TSC22D4: variants seen among roughly 807,000 people sequenced by gnomAD.
TSC22D4 encodes TSC22 domain family member 4, also known as TSC22 domain family protein 4.
Under a neutral mutation model 24.9 loss-of-function variants are expected in TSC22D4, and 5 were observed. The observed-to-expected ratio is 0.20, with a 90% CI of 0.10 to 0.42. The LOEUF is 0.42. Ranked by LOEUF, TSC22D4 falls within the 10% of genes least tolerant of loss-of-function variation. The probability of loss-of-function intolerance (pLI) is 1.00; values close to 1 mark genes in which losing one functional copy is unlikely to be tolerated. For synonymous variants in TSC22D4, 245 were observed against 243.2 expected (o/e 1.01, Z -0.07); for missense variants, 469 against 547.9 (o/e 0.86, Z 1.44).
Position 100,477,735 on chromosome 7 carries a change from G to C in TSC22D4, c.304C>G (p.Pro102Ala). 6.2e-7 allele frequency: 1 copy of C among 1,602,474 alleles called. No individual in the cohort carries two copies. Among genetic ancestry groups the C allele is most frequent in the Non-Finnish European group, 8.5e-7 (1 of 1,179,582 alleles). ...CVDVYERDLE[P>A]HSFGGLLEGI... Reference sequence around the variant, plus strand: ...TCCAGGAGTCCGCCGAAGCTGTGGGGCTCCAGGTCTCGCTCATAAACATCC... The same window carrying C: ...TCCAGGAGTCCGCCGAAGCTGTGGGCCTCCAGGTCTCGCTCATAAACATCC... Residue 102 changes from proline to alanine, a missense_variant, in exon 2 of 5, where the codon CCC (proline) becomes GCC (alanine). Pro to Ala is a conservative substitution (Grantham distance 27). Coordinates refer to ENST00000300181, the MANE Select transcript of TSC22D4 (RefSeq NM_030935.5). The surrounding 1 kb of genome is among the most constrained non-coding windows in gnomAD (Gnocchi z 7.8).
intron 3 of TSC22D4, among the ~76,000 whole-genome samples, chr7:100,471,424 G>A (rs184825741): frequency 6.6e-6 from 1 of 152,262 alleles, no homozygotes; most frequent in Non-Finnish European, 1.5e-5. Flanking sequence ...TAAACTAGCT[G>A]GGTGGCCCTT....
chr7:100,477,570 TG>T lies in TSC22D4; in HGVS notation c.468del (p.Thr157ProfsTer60). 3.2e-6 allele frequency: 5 copies of T among 1,577,964 alleles called. No individual in the cohort carries two copies. The highest frequency in any genetic ancestry group is 1.8e-5 in the Admixed American group (1 of 55,958). ...QGPTSWLRPP[P>X]TSPGPQARSF... ...GAGCGGGCCTGAGGTCCAGGAGAGG[TG>T]GGGGGTGGACGGAGCCAGGAGGTGG... is the stretch of plus-strand genomic sequence containing the variant. On this transcript the variant is annotated frameshift_variant, in exon 2 of 5. Coordinates refer to ENST00000300181, the MANE Select transcript of TSC22D4 (RefSeq NM_030935.5). LOFTEE classifies it high-confidence loss of function. The surrounding 1 kb of genome is among the most constrained non-coding windows in gnomAD (Gnocchi z 7.8).
intron 3 of TSC22D4, chr7:100,473,913 C>A (rs950727033): frequency 1.4e-5 from 3 of 214,032 alleles, no homozygotes; most frequent in Non-Finnish European, 2.9e-5. Context: ...CACTGTGCCC[C>A]GGCCTGATTT....
chr7:100,470,372 A>C (rs998828013), intron 3 of TSC22D4, among the ~76,000 whole-genome samples: 2 of 152,058 alleles, frequency 1.3e-5, no homozygotes, highest in East Asian at 3.9e-4. Context: ...CCCTCATTGG[A>C]ACCTCCACCT....
chr7:100,470,663 C>CT (rs1799374659), intron 3 of TSC22D4, among the ~76,000 whole-genome samples: 2 of 152,134 alleles, frequency 1.3e-5, no homozygotes, highest in Non-Finnish European at 2.9e-5. Flanking sequence ...AATGCAGGCC[C>CT]TTCCCTTTAG....
intron 3 of TSC22D4, among the ~76,000 whole-genome samples, chr7:100,468,305 G>A (rs1181497046): frequency 6.6e-6 from 1 of 152,160 alleles, no homozygotes; most frequent in Non-Finnish European, 1.5e-5. Flanking sequence ...GGGGAGGGGC[G>A]TGGGGCAGAA....
rs1799295516 is a variant in TSC22D4, at chr7:100,467,151, G to A, written c.996C>T (p.His332=). ...CCTCCTCCCGGACCGCAAACATGAG[G>A]TGGGACTTCACCAAGTCCTGGGGGC... The part of the protein sequence containing the change: ...IEQAMDLVKS[H]LMFAVREEVE... The change falls in exon 5 of 5, where the codon CAC becomes CAT. Residue 332 remains histidine (H), a synonymous_variant. Transcript: ENST00000300181. 1.2e-6 allele frequency: 2 copies of A among 1,614,184 alleles called. No homozygotes were observed. Among genetic ancestry groups the A allele is most frequent in the East Asian group, 4.5e-5 (2 of 44,888 alleles).
chr7:100,474,323 C>T lies in TSC22D4; in HGVS notation c.880G>A (p.Ala294Thr). The T allele has an allele frequency of 1.9e-6, 3 of 1,614,088 alleles. No individual in the cohort carries two copies. The highest frequency in any genetic ancestry group is 1.3e-5 in the African/African-American group (1 of 75,008). Reference protein sequence around the residue: ...GAVAAQKFSLAHSMLAISGHL... With the variant: ...GAVAAQKFSLTHSMLAISGHL... ...CCACTGATGGCCAACATGGAGTGGGCCAGGCTGAACTTCTGAGCTGCTACT... is the reference window on the plus strand; with the variant it reads ...CCACTGATGGCCAACATGGAGTGGGTCAGGCTGAACTTCTGAGCTGCTACT... The change falls in exon 3 of 5, where the codon GCC becomes ACC. Residue 294 changes from alanine to threonine, a missense_variant. Coordinates refer to ENST00000300181, the MANE Select transcript of TSC22D4 (RefSeq NM_030935.5). The surrounding 1 kb of genome is among the most constrained non-coding windows in gnomAD (Gnocchi z 4.3).
At chr7:100,467,461 G>GGT in intron 4 of TSC22D4, 91 bp downstream of exon 4, 1 of 1,375,726 alleles carries the variant, frequency 7.3e-7, no homozygotes, top group South Asian at 1.2e-5. Context: ...GCTGGGAGTT[G>GGT]GTGTTCCCTG....
In TSC22D4 at chr7:100,474,102, G is replaced by T. The variant is rs1584350585; in HGVS notation, c.929+172C>A. The stretch of plus-strand genomic sequence containing the variant: ...CAGCCCTCTCCACAGAGAGGGAGTG[G>T]GTCCGAAATCAACTGTGTGCAGTGG... On this transcript the variant is annotated intron_variant, in intron 3 of 4. Coordinates refer to ENST00000300181, the MANE Select transcript of TSC22D4 (RefSeq NM_030935.5). The surrounding 1 kb of genome is among the most constrained non-coding windows in gnomAD (Gnocchi z 4.3). 2.2e-5 allele frequency: 17 copies of T among 762,734 alleles called. No homozygotes were observed. In the East Asian group the frequency reaches 4.7e-4, roughly 21 times the overall value. The allele number at this position is 762,734 out of a possible 1,614,324, so 47.2% of individuals were successfully genotyped here.
intron 3 of TSC22D4, 192 bp from the exon 4 acceptor site, chr7:100,467,792 G>A (rs1341490749): frequency 5.7e-6 from 4 of 704,770 alleles, no homozygotes; most frequent in Non-Finnish European, 7.9e-6. Flanking sequence ...TGGGGCGGGG[G>A]CCCAGATGTC....
chr7:100,477,681 C>G lies in TSC22D4; in HGVS notation c.358G>C (p.Gly120Arg). 6.3e-7 allele frequency: 1 copy of G among 1,592,298 alleles called. No homozygotes were observed. ...AACCTGGAATCCAAAGATCTGCCCC[C>G]GGCGCCCCCTGAGGCCCCTCGAATT... ...EGIRGASGGA[G>R]GRSLDSRLEL... Residue 120 changes from glycine to arginine, a missense_variant, in exon 2 of 5, where the codon GGG becomes CGG. Coordinates refer to ENST00000300181, the MANE Select transcript of TSC22D4 (RefSeq NM_030935.5). The surrounding 1 kb of genome is among the most constrained non-coding windows in gnomAD (Gnocchi z 7.8).
At position 100,478,321 on chromosome 7, in the gene TSC22D4, G is replaced by GT; in HGVS notation, c.-269-15_-269-14insA. On this transcript the variant is annotated splice_polypyrimidine_tract_variant and intron_variant, in intron 1 of 4. Coordinates refer to ENST00000300181, the MANE Select transcript of TSC22D4 (RefSeq NM_030935.5). ...TGAGTTTGCAAACTGGAAAAAGAGG[G>GT]GGAGAGAGAGAGAGAGAGAGAGAGA... is the stretch of plus-strand genomic sequence containing the variant. 1 of 403,124 alleles carries GT rather than the reference G, an allele frequency of 2.5e-6. No individual in the cohort carries two copies. The highest frequency in any genetic ancestry group is 4.4e-6 in the Non-Finnish European group (1 of 228,916). The allele number at this position is 403,124 out of a possible 1,614,324, so 25.0% of individuals were successfully genotyped here.
chr7:100,474,535 C>A lies in TSC22D4; in HGVS notation c.763-95G>T. The stretch of plus-strand genomic sequence containing the variant: ...CCTATTAGCCTTCCTCCCTCTCCAC[C>A]TCCCCACTCTCTTTCGAGGACCCAG... On this transcript the variant is annotated intron_variant, in intron 2 of 4. Transcript: ENST00000300181. This position sits in a 1 kb window ranked among gnomAD's most constrained non-coding sequence, Gnocchi z 4.3. 1 of 1,425,180 alleles carries A rather than the reference C, an allele frequency of 7.0e-7. No homozygotes were observed. The allele number at this position is 1,425,180 out of a possible 1,614,324, so 88.3% of individuals were successfully genotyped here. A position where few individuals can be genotyped will look rare whatever the true frequency, so the allele number is the denominator to read the frequency against.
intron 3 of TSC22D4, chr7:100,467,810 T>C (rs1475096491): frequency 4.3e-6 from 3 of 698,882 alleles, no homozygotes; most frequent in African/African-American, 3.5e-5. Flanking sequence ...GTCCCTCGGA[T>C]GGGGGATGCA....
At chr7:100,476,408 C>G (rs1799497048) in intron 2 of TSC22D4, among the ~76,000 whole-genome samples, 1 of 152,084 alleles carries the variant, frequency 6.6e-6, no homozygotes, top group African/African-American at 2.4e-5. Context: ...CATCCTCACA[C>G]TCCCTGCCTT....
At chr7:100,470,939 T>C (rs1171630360) in intron 3 of TSC22D4, among the ~76,000 whole-genome samples, 1 of 152,214 alleles carries the variant, frequency 6.6e-6, no homozygotes, top group Non-Finnish European at 1.5e-5. Context: ...AGTGGGAGAC[T>C]TAGCCCTGCA....
At position 100,478,100 on chromosome 7, in the gene TSC22D4, C is replaced by T; in HGVS notation, c.-62G>A. The T allele has an allele frequency of 7.0e-7, 1 of 1,423,794 alleles. No individual in the cohort carries two copies. 88.2% of individuals were successfully genotyped at this position (1,423,794 alleles called of 1,614,324 possible). A position where few individuals can be genotyped will look rare whatever the true frequency, so the allele number is the denominator to read the frequency against. On this transcript the variant is annotated 5_prime_UTR_variant, in exon 2 of 5. An upstream open reading frame in the 5' UTR loses its in-frame stop. Coordinates refer to ENST00000300181, the MANE Select transcript of TSC22D4 (RefSeq NM_030935.5). ...TGGGTTGGGGCTCCTTGAAGGGGCT[C>T]AGGCACCCCTGGAACAAGGGGGCCA...
chr7:100,467,335 A>G, intron 4 of TSC22D4, 167 bp from the exon 5 acceptor site: 1 of 874,482 alleles, frequency 1.1e-6, no homozygotes, highest in Non-Finnish European at 1.8e-6. Context: ...GTCAGGGCTC[A>G]AAGACAGAGA....
Sources: gnomAD v4.1 joint callset for allele counts (sites outside exome capture counted in the v4.1 genomes callset) on GRCh38, gnomAD v4.1.1 for gene constraint, Gnocchi (gnomAD v3.1) non-coding constraint, MANE v1.5 for transcripts, NCBI Gene and HGNC (gene_info 2026-07-23, HGNC 2026-07-21) for gene names.